Variants in VEGFB observed in about 807,000 individuals in gnomAD.
The protein encoded by VEGFB is vascular endothelial growth factor B.
In VEGFB, 24 loss-of-function variants were observed where a neutral mutation model predicts 22.5. The observed-to-expected ratio is 1.07, with a 90% CI of 0.77 to 1.50. The LOEUF is 1.50. Ranked by LOEUF, VEGFB falls within the 40% of genes most tolerant of loss-of-function variation. The pLI, the probability that VEGFB is intolerant of heterozygous loss-of-function variation, is 0.00. For missense variants in VEGFB, 327 were observed against 287.8 expected (o/e 1.14, Z -0.99); for synonymous variants, 141 against 117.4 (o/e 1.20, Z -1.30).
chr11:64,236,393 C>G, intron 4 of VEGFB, 66 bp downstream of exon 4: 1 of 1,509,548 alleles, frequency 6.6e-7, no homozygotes, highest in East Asian at 2.3e-5. Context: ...GTATGGTGGT[C>G]CACAGAACTG....
chr11:64,237,477 C>T lies in VEGFB; in HGVS notation c.468C>T (p.Ala156=), dbSNP rs1357146747. Residue 156 remains alanine (A), a synonymous_variant, in exon 6 of 7, where the codon GCC becomes GCT. Transcript: ENST00000309422. The stretch of plus-strand genomic sequence containing the variant: ...GTTCTGTTCCGGGCTGGGACTCTGC[C>T]CCCGGAGCACCCTCCCCAGCTGACA... ...QPRSVPGWDS[A]PGAPSPADIT... 1.9e-6 allele frequency: 3 copies of T among 1,612,458 alleles called. No individual in the cohort carries two copies. The highest frequency in any genetic ancestry group is 1.1e-5 in the South Asian group (1 of 91,008).
At chr11:64,236,831 C>A (rs942720764) in intron 4 of VEGFB, among the ~76,000 whole-genome samples, 3 of 148,836 alleles carry the variant, frequency 2.0e-5, no homozygotes, top group African/African-American at 7.4e-5. Context: ...ATAATCCCAG[C>A]ACTTTGGGAG....
chr11:64,238,632 G>A lies in VEGFB; in HGVS notation c.*299G>A. 3 of 577,756 alleles carry A rather than the reference G, an allele frequency of 5.2e-6. No homozygotes were observed. Among genetic ancestry groups the A allele is most frequent in the South Asian group, 4.1e-5 (2 of 49,254 alleles). The allele number at this position is 577,756 out of a possible 1,614,324, so 35.8% of individuals were successfully genotyped here. A position where few individuals can be genotyped will look rare whatever the true frequency, so the allele number is the denominator to read the frequency against. On this transcript the variant is annotated 3_prime_UTR_variant, in exon 7 of 7. Coordinates refer to ENST00000309422, the MANE Select transcript of VEGFB (RefSeq NM_003377.5). The stretch of plus-strand genomic sequence containing the variant: ...GTCACATACCAGCTCAGGGGAGAAT[G>A]GAGTACTGTCTCAGTTTCTAACCAC...
At position 64,238,215 on chromosome 11, in the gene VEGFB, G is replaced by A. The variant is rs182655029; in HGVS notation, c.*23-141G>A. ...GACCTTTGCAAAAGGTTCATCCTTC[G>A]CCCTGCAGCCTCCAGTGCCCAGGGC... On this transcript the variant is annotated intron_variant, in intron 6 of 6. Transcript: ENST00000309422. 100 of 1,050,660 alleles carry A rather than the reference G, an allele frequency of 9.5e-5. 1 individual carries two copies. In the East Asian group the frequency reaches 1.6e-3, roughly 17 times the overall value. The allele number at this position is 1,050,660 out of a possible 1,614,324, so 65.1% of individuals were successfully genotyped here.
At chr11:64,237,040 GCCACTGCACTCCAGCCTGGGCA>G in intron 4 of VEGFB, 125 bp from the exon 5 acceptor site, 1 of 628,704 alleles carries the variant, frequency 1.6e-6, no homozygotes, top group East Asian at 3.6e-5. Flanking sequence ...CCGAGACCAC[GCCACTGCACTCCAGCCTGGGCA>G]AGAAGAGGGA....
intron 5 of VEGFB, 45 bp downstream of exon 5, chr11:64,237,267 AGTGAGT>A (rs755558332): frequency 6.4e-7 from 1 of 1,574,716 alleles, no homozygotes; most frequent in Admixed American, 1.7e-5. Flanking sequence ...GGGGAGTACA[AGTGAGT>A]CCAGAAGCTG....
chr11:64,234,704 GTCGCCCCCCGCGCCCGGCCC>G lies in VEGFB; in HGVS notation c.-129_-110del, dbSNP rs1232859299. On this transcript the variant is annotated 5_prime_UTR_variant, in exon 1 of 7. Transcript: ENST00000309422. This position sits in a 1 kb window ranked among gnomAD's most constrained non-coding sequence, Gnocchi z 5.3. ...GGGCTCGGGAGGGGGCCGCGGAGGA[GTCGCCCCCCGCGCCCGGCCC>G]CCGCCCGCCGCGCCCGGGCCCGCGC... 3.4e-5 allele frequency: 6 copies of G among 174,290 alleles called. No individual in the cohort carries two copies. Among genetic ancestry groups the G allele is most frequent in the Non-Finnish European group, 5.4e-5 (5 of 93,316 alleles). 10.8% of individuals were successfully genotyped at this position (174,290 alleles called of 1,614,324 possible).
At position 64,234,818 on chromosome 11, in the gene VEGFB, G is replaced by A; in HGVS notation, c.-16G>A. 1 of 1,166,306 alleles carries A rather than the reference G, an allele frequency of 8.6e-7. No individual in the cohort carries two copies. Among genetic ancestry groups the A allele is most frequent in the South Asian group, 4.2e-5 (1 of 23,806 alleles). 72.2% of individuals were successfully genotyped at this position (1,166,306 alleles called of 1,614,324 possible). A position where few individuals can be genotyped will look rare whatever the true frequency, so the allele number is the denominator to read the frequency against. ...GGCGATGCGGGCGCCCCCGGCGGGC[G>A]GCCCCGGCGGGCACCATGAGCCCTC... On this transcript the variant is annotated 5_prime_UTR_variant, in exon 1 of 7. Transcript: ENST00000309422. The surrounding 1 kb of genome is among the most constrained non-coding windows in gnomAD (Gnocchi z 5.3).
intron 2 of VEGFB, 93 bp downstream of exon 2, chr11:64,235,593 A>G (rs1015623736): frequency 2.5e-5 from 35 of 1,395,788 alleles, no homozygotes; most frequent in South Asian, 2.3e-4. Context: ...TAACTCCCCT[A>G]GAAGATTCAA....
intron 6 of VEGFB, 67 bp from the exon 7 acceptor site, chr11:64,238,289 C>G: frequency 6.5e-7 from 1 of 1,530,894 alleles, no homozygotes; most frequent in Non-Finnish European, 8.7e-7. Flanking sequence ...GGGCCCGAGG[C>G]ACACATGAGT....
chr11:64,236,367 G>T, intron 4 of VEGFB, 40 bp downstream of exon 4: 1 of 1,598,626 alleles, frequency 6.3e-7, no homozygotes, highest in Non-Finnish European at 8.6e-7. Context: ...CAGAGGCCAG[G>T]CTTGGGGGGT....
Position 64,237,283 on chromosome 11 carries a change from G to A in VEGFB, c.410+61G>A, listed in dbSNP as rs926772722. 5 of 1,549,054 alleles carry A rather than the reference G, an allele frequency of 3.2e-6. No individual in the cohort carries two copies. The Admixed American group carries it at 8.4e-5, about 26-fold the overall frequency. On this transcript the variant is annotated intron_variant, in intron 5 of 6. Transcript: ENST00000309422. ...GGGAGTACAAGTGAGTCCAGAAGCT[G>A]TTGCTCCTCTTTCTCCTCCCACCCG...
rs753975768 is a variant in VEGFB at position 64,236,234 on chromosome 11, T to C, written c.301-20T>C. On this transcript the variant is annotated intron_variant, in intron 3 of 6. Coordinates refer to ENST00000309422, the MANE Select transcript of VEGFB (RefSeq NM_003377.5). ...TCTCTCTCTCCCTCACTGTCCCCCC[T>C]GTTCTTCTCCTGAGCACAGATCCTC... The C allele has an allele frequency of 6.2e-7, 1 of 1,613,134 alleles. No individual in the cohort carries two copies. The highest frequency in any genetic ancestry group is 8.5e-7 in the Non-Finnish European group (1 of 1,179,360).
rs971341560 is a variant in VEGFB, at chr11:64,236,097, C to T, written c.300+88C>T. On this transcript the variant is annotated intron_variant, in intron 3 of 6. Transcript: ENST00000309422. ...GGGTGGATGCTGGCTGGCTCTGGGG[C>T]TGGGGCAGCCTGGAGACTGATGCAC... The T allele has an allele frequency of 3.3e-6, 5 of 1,517,728 alleles. No individual in the cohort carries two copies. The African/African-American group carries it at 5.5e-5, about 17-fold the overall frequency. The allele number at this position is 1,517,728 out of a possible 1,614,324, so 94.0% of individuals were successfully genotyped here. A position where few individuals can be genotyped will look rare whatever the true frequency, so the allele number is the denominator to read the frequency against.
At chr11:64,237,127 G>GAGAGAGAGATATATATATATAT in intron 4 of VEGFB, 60 bp from the exon 5 acceptor site, 1 of 813,208 alleles carries the variant, frequency 1.2e-6, no homozygotes, top group East Asian at 3.2e-5. Flanking sequence ...GAGAGAGTAG[G>GAGAGAGAGATATATATATATAT]ATGCTGGGAT....
In VEGFB at chr11:64,235,835, T is replaced by A; in HGVS notation, c.126T>A (p.Tyr42Ter). ...CAGTGGTGTCATGGATAGATGTGTATACTCGCGCTACCTGCCAGCCCCGGG... is the reference window on the plus strand; with the variant it reads ...CAGTGGTGTCATGGATAGATGTGTAAACTCGCGCTACCTGCCAGCCCCGGG... ...QRKVVSWIDV[Y>*]TRATCQPREV... is the part of the protein sequence containing the mutation. Residue 42 changes from tyrosine (Y) to a stop codon, truncating the protein, a stop_gained, in exon 3 of 7, where the codon TAT becomes TAA. Transcript: ENST00000309422. LOFTEE classifies it high-confidence loss of function. 1 of 1,613,950 alleles carries A rather than the reference T, an allele frequency of 6.2e-7. No individual in the cohort carries two copies. The highest frequency in any genetic ancestry group is 8.5e-7 in the Non-Finnish European group (1 of 1,180,004).
At chr11:64,237,803 G>C (rs1401821819) in intron 6 of VEGFB, 148 bp downstream of exon 6, 2 of 734,714 alleles carry the variant, frequency 2.7e-6, no homozygotes, top group East Asian at 2.8e-5. Context: ...ACAGCTGCTG[G>C]CACCTGGAGC....
Position 64,237,175 on chromosome 11 carries a change from C to CTTACT in VEGFB, c.375-9_375-5dup, listed in dbSNP as rs748520095. 1.5e-5 allele frequency: 24 copies of CTTACT among 1,598,718 alleles called. No individual in the cohort carries two copies. The African/African-American group carries it at 2.8e-4, about 19-fold the overall frequency. On this transcript the variant is annotated splice_polypyrimidine_tract_variant and intron_variant, in intron 4 of 6. Transcript: ENST00000309422. ...CTCTTGTTTGTCTGTGTCTGTCTAT[C>CTTACT]TTACTTTTCAGACCTAAAAAAAAGG...
rs1591082357 is a variant in VEGFB, at chr11:64,237,673, T to G, written c.*22+18T>G. The G allele has an allele frequency of 6.6e-7, 1 of 1,505,070 alleles. No homozygotes were observed. Among genetic ancestry groups the G allele is most frequent in the Non-Finnish European group, 8.9e-7 (1 of 1,122,768 alleles). 93.2% of individuals were successfully genotyped at this position (1,505,070 alleles called of 1,614,324 possible). ...ACCTGCAGGTGAGGCGTCTGTGGGGTGGTGTTTGTTTGGGAAGGCACCAAG... is the reference window on the plus strand; with the variant it reads ...ACCTGCAGGTGAGGCGTCTGTGGGGGGGTGTTTGTTTGGGAAGGCACCAAG... On this transcript the variant is annotated intron_variant, in intron 6 of 6. Coordinates refer to ENST00000309422, the MANE Select transcript of VEGFB (RefSeq NM_003377.5).
Sources: allele counts gnomAD v4.1 joint callset (sites outside exome capture counted in the v4.1 genomes callset), GRCh38; gene constraint gnomAD v4.1.1; non-coding constraint Gnocchi (gnomAD v3.1); transcripts MANE v1.5; gene names NCBI Gene and HGNC (gene_info 2026-07-23, HGNC 2026-07-21).